PICALM: variants seen among roughly 807,000 people sequenced by gnomAD.
The protein encoded by PICALM is phosphatidylinositol-binding clathrin assembly protein.
PICALM carries 40 observed loss-of-function variants against 80.5 expected under a neutral mutation model. That is an observed-to-expected ratio of 0.50 (90% CI 0.39 to 0.65). The LOEUF is 0.65. Ranked by LOEUF, PICALM falls within the 30% of genes least tolerant of loss-of-function variation. PICALM has a pLI of 0.00. For missense variants in PICALM, 676 were observed against 778.9 expected (o/e 0.87, Z 1.57); for synonymous variants, 288 against 260.3 (o/e 1.11, Z -1.02).
intron 2 of PICALM, among the ~76,000 whole-genome samples, chr11:86,030,513 T>C (rs747594008): frequency 5.9e-5 from 9 of 152,212 alleles, no homozygotes; most frequent in Non-Finnish European, 1.0e-4. Context: ...ATTTATCTAG[T>C]TCTACTCAGA....
chr11:86,040,998 A>G (rs2095954223), intron 1 of PICALM, among the ~76,000 whole-genome samples: 1 of 152,176 alleles, frequency 6.6e-6, no homozygotes, highest in South Asian at 2.1e-4. Flanking sequence ...CAAAAAGACC[A>G]GGCAATTGTT....
intron 19 of PICALM, among the ~76,000 whole-genome samples, chr11:85,968,438 A>G (rs114174529): frequency 9.5e-4 from 145 of 152,358 alleles, no homozygotes; most frequent in African/African-American, 3.4e-3. Flanking sequence ...AATTTTTCAT[A>G]TAAGGAAATA....
Position 85,974,819 on chromosome 11 carries a change from AAG to A in PICALM, c.1840-9_1840-8del. On this transcript the variant is annotated splice_region_variant and splice_polypyrimidine_tract_variant and intron_variant, in intron 18 of 19. Coordinates refer to ENST00000393346, the MANE Select transcript of PICALM (RefSeq NM_007166.4). ...CACTTCCCATTTGTGGAGGCTAAAA[AAG>A]AGAAAAATATCAAAAGATACTGACT... 1.3e-6 allele frequency: 2 copies of A among 1,582,124 alleles called. No individual in the cohort carries two copies. The highest frequency in any genetic ancestry group is 1.7e-4 in the Middle Eastern group (1 of 6,010).
At chr11:85,981,606 C>CAA (rs1178283265) in intron 16 of PICALM, 139 bp downstream of exon 16, 584 of 542,810 alleles carry the variant, frequency 1.1e-3, no homozygotes, top group East Asian at 1.2e-3. Flanking sequence ...GACTCCGTGT[C>CAA]AAAAAAAAAA....
chr11:86,050,666 T>C (rs1035201362), intron 1 of PICALM, among the ~76,000 whole-genome samples: 2 of 152,196 alleles, frequency 1.3e-5, no homozygotes, highest in Non-Finnish European at 2.9e-5. Flanking sequence ...AATTCATCAC[T>C]TAATAATTTT....
chr11:86,034,474 A>T (rs1359602681), intron 1 of PICALM, among the ~76,000 whole-genome samples: 1 of 152,142 alleles, frequency 6.6e-6, no homozygotes, highest in African/African-American at 2.4e-5. Context: ...TGCTTTTCCC[A>T]CTCTCAATCC....
At chr11:86,056,313 G>A (rs2096269690) in intron 1 of PICALM, among the ~76,000 whole-genome samples, 1 of 147,590 alleles carries the variant, frequency 6.8e-6, no homozygotes, top group Non-Finnish European at 1.5e-5. Flanking sequence ...CTGGTATCCA[G>A]AATACATAAA....
rs544282256 is a variant in PICALM, at chr11:86,068,879, C to G, written c.-99G>C. ...CCACCCCCCACCGCACCCCCTACCC[C>G]CACCGGCTCCTTCCCCGCCTGCCGG... On this transcript the variant is annotated 5_prime_UTR_variant, in exon 1 of 20. Coordinates refer to ENST00000393346, the MANE Select transcript of PICALM (RefSeq NM_007166.4). 1 of 1,419,298 alleles carries G rather than the reference C, an allele frequency of 7.0e-7. No homozygotes were observed. Among genetic ancestry groups the G allele is most frequent in the African/African-American group, 1.4e-5 (1 of 69,298 alleles). The allele number at this position is 1,419,298 out of a possible 1,614,324, so 87.9% of individuals were successfully genotyped here.
intron 1 of PICALM, among the ~76,000 whole-genome samples, chr11:86,066,416 G>A (rs2096448802): frequency 1.3e-5 from 2 of 152,080 alleles, no homozygotes; most frequent in Admixed American, 1.3e-4. Flanking sequence ...AAAAACGTGG[G>A]AGCTTGTAAA....
At chr11:86,036,080 A>C (rs991539398) in intron 1 of PICALM, among the ~76,000 whole-genome samples, 1 of 152,190 alleles carries the variant, frequency 6.6e-6, no homozygotes, top group Non-Finnish European at 1.5e-5. Context: ...GTGGGAGTAG[A>C]AACAAAAAGC....
At chr11:86,064,680 C>G (rs892176942) in intron 1 of PICALM, among the ~76,000 whole-genome samples, 11 of 144,710 alleles carry the variant, frequency 7.6e-5, no homozygotes, top group Non-Finnish European at 9.0e-5. Flanking sequence ...GGAGACATTA[C>G]AGCCATTAGT....
chr11:85,968,947 AACACACACACACACACAC>A lies in PICALM; in HGVS notation c.1944+5743_1944+5760del, dbSNP rs57641869. Among the ~76,000 whole-genome samples, 1,421 of 144,114 alleles carry A rather than the reference AACACACACACACACACAC, an allele frequency of 9.9e-3. 12 individuals carry two copies. Among genetic ancestry groups the A allele is most frequent in the South Asian group, 0.03 (127 of 4,202 alleles). The allele number at this position is 144,114 out of a possible 152,430, so 94.5% of individuals were successfully genotyped here. ...TCTAAAAAATACAGAAAAATGACTC[AACACACACACACACACAC>A]ACACACACACACACACACACACACA... On this transcript the variant is annotated intron_variant, in intron 19 of 19. Transcript: ENST00000393346.
At chr11:86,049,889 A>G (rs2096149714) in intron 1 of PICALM, among the ~76,000 whole-genome samples, 1 of 151,894 alleles carries the variant, frequency 6.6e-6, no homozygotes, top group South Asian at 2.1e-4. Context: ...CATATTGGAC[A>G]CAACTAAAGA....
At chr11:86,065,629 C>T (rs1315278621) in intron 1 of PICALM, among the ~76,000 whole-genome samples, 1 of 152,116 alleles carries the variant, frequency 6.6e-6, no homozygotes, top group African/African-American at 2.4e-5. Flanking sequence ...AATATAAGGG[C>T]TGCTATTCCT....
chr11:85,966,108 C>T lies in PICALM; in HGVS notation c.1945-7048G>A, dbSNP rs908051560. Among the ~76,000 whole-genome samples, 17 of 151,942 alleles carry T rather than the reference C, an allele frequency of 1.1e-4. 1 individual carries two copies. Among genetic ancestry groups the T allele is most frequent in the Admixed American group, 3.3e-4 (5 of 15,258 alleles). ...TGCTGGGATTACAGGTGTGAGCCAC[C>T]GCACCCGGCCCGCATTACGCATTTT... On this transcript the variant is annotated intron_variant, in intron 19 of 19. Transcript: ENST00000393346.
Position 85,982,423 on chromosome 11 carries a change from C to CTTTTTTTTTTTTTTTTTTTTTTTTT in PICALM, c.1517-421_1517-420insAAAAAAAAAAAAAAAAAAAAAAAAA. Among the ~76,000 whole-genome samples the CTTTTTTTTTTTTTTTTTTTTTTTTT allele has an allele frequency of 2.9e-5, 2 of 70,168 alleles. 1 individual carries two copies. Among genetic ancestry groups the CTTTTTTTTTTTTTTTTTTTTTTTTT allele is most frequent in the Non-Finnish European group, 5.2e-5 (2 of 38,528 alleles). 46.0% of individuals were successfully genotyped at this position (70,168 alleles called of 152,430 possible). A position where few individuals can be genotyped will look rare whatever the true frequency, so the allele number is the denominator to read the frequency against. The stretch of plus-strand genomic sequence containing the variant: ...ACGTTAAGAAATAAGATTTTATAGA[C>CTTTTTTTTTTTTTTTTTTTTTTTTT]TTTTTTTTTTTTTTTGAGACGGAGT... On this transcript the variant is annotated intron_variant, in intron 14 of 19. Coordinates refer to ENST00000393346, the MANE Select transcript of PICALM (RefSeq NM_007166.4).
At chr11:85,975,753 T>C (rs1230637965) in intron 18 of PICALM, among the ~76,000 whole-genome samples, 1 of 151,910 alleles carries the variant, frequency 6.6e-6, no homozygotes, top group East Asian at 1.9e-4. Flanking sequence ...TGCGCCACCA[T>C]ACCCAGCTAA....
chr11:86,051,656 A>G (rs2096190634), intron 1 of PICALM, among the ~76,000 whole-genome samples: 1 of 152,206 alleles, frequency 6.6e-6, no homozygotes, highest in South Asian at 2.1e-4. Context: ...GTGAGACTCC[A>G]TCTCAAAAAG....
chr11:86,050,076 G>T (rs764256313), intron 1 of PICALM, among the ~76,000 whole-genome samples: 1 of 151,488 alleles, frequency 6.6e-6, no homozygotes, highest in African/African-American at 2.4e-5. Flanking sequence ...GTAGTGATGA[G>T]AGCCTATAAT....
Sources: allele counts gnomAD v4.1 joint callset (sites outside exome capture counted in the v4.1 genomes callset), GRCh38; gene constraint gnomAD v4.1.1; transcripts MANE v1.5; gene names NCBI Gene and HGNC (gene_info 2026-07-23, HGNC 2026-07-21).